PRKAG3: variants seen among roughly 807,000 people sequenced by gnomAD.
The protein encoded by PRKAG3 is protein kinase AMP-activated non-catalytic subunit gamma 3.
In PRKAG3, 39 loss-of-function variants were observed where a neutral mutation model predicts 56.5. The ratio of observed to expected loss-of-function variants is 0.69; its 90% confidence interval spans 0.53 to 0.90. The LOEUF is 0.90. PRKAG3 is among the 40% of genes least tolerant of loss of function. The pLI is 0.00. For synonymous variants in PRKAG3, 243 were observed against 250.1 expected (o/e 0.97, Z 0.27); for missense variants, 628 against 627.5 (o/e 1.00, Z -0.01).
intron 5 of PRKAG3, 59 bp downstream of exon 5, chr2:218,828,460 C>T (rs1019566190): frequency 8.7e-6 from 13 of 1,493,014 alleles, no homozygotes; most frequent in East Asian, 4.8e-5. Flanking sequence ...CCAGAACAAC[C>T]GTACAAGATC....
downstream of PRKAG3, chr2:218,822,810 G>A (rs953172535): frequency 3.4e-6 from 3 of 883,186 alleles, no homozygotes; most frequent in African/African-American, 5.5e-5. Context: ...GGAGCTGAAG[G>A]CTGAAGCCAT....
chr2:218,824,395 C>T, intron 11 of PRKAG3, 27 bp from the exon 12 acceptor site: 1 of 1,614,002 alleles, frequency 6.2e-7, no homozygotes, highest in East Asian at 2.2e-5. Flanking sequence ...AGTATGGCTC[C>T]TAGTCACCCC....
Position 218,827,916 on chromosome 2 carries a change from G to C in PRKAG3, c.775-38C>G, listed in dbSNP as rs771390402. The C allele has an allele frequency of 6.2e-7, 1 of 1,612,248 alleles. No homozygotes were observed. The highest frequency in any genetic ancestry group is 1.3e-5 in the African/African-American group (1 of 74,866). ...ACAGGACTCCAGAAGTCAGAAAGAC[G>C]TGGGCTTCTAGGGCACCAGGCTCCA... On this transcript the variant is annotated intron_variant, in intron 6 of 12. Transcript: ENST00000529249. The surrounding 1 kb of genome is among the most constrained non-coding windows in gnomAD (Gnocchi z 5.3).
At chr2:218,829,896 G>A (rs1943992613) in intron 4 of PRKAG3, 82 bp downstream of exon 4, 1 of 1,564,564 alleles carries the variant, frequency 6.4e-7, no homozygotes, top group African/African-American at 1.4e-5. Context: ...GGCTCAGCAG[G>A]GCATCCTGCA....
chr2:218,825,270 A>T (rs1166283943), intron 10 of PRKAG3, among the ~76,000 whole-genome samples: 1 of 146,804 alleles, frequency 6.8e-6, no homozygotes, highest in African/African-American at 2.6e-5. Context: ...TGGGAGGTGG[A>T]GGTTGCAGTG....
intron 12 of PRKAG3, 131 bp downstream of exon 12, chr2:218,824,091 G>T: frequency 6.9e-7 from 1 of 1,449,482 alleles, no homozygotes; most frequent in Non-Finnish European, 9.6e-7. Context: ...GTGCAGGCCA[G>T]TGTGGGCACC....
intron 10 of PRKAG3, chr2:218,826,509 T>TGTAGATCTCGGTG: frequency 4.2e-6 from 1 of 240,190 alleles, no homozygotes; most frequent in Non-Finnish European, 8.4e-6. Context: ...CAGGTTGGAG[T>TGTAGATCTCGGTG]GTCACTGTAT....
rs1163495536 is a variant in PRKAG3, at chr2:218,830,256, AG to A, written c.354del (p.Ser119LeufsTer31). On this transcript the variant is annotated frameshift_variant, in exon 4 of 13. Transcript: ENST00000529249. LOFTEE classifies it high-confidence loss of function. ...CCTGCAGCTGAGGCTGTACAGTCAG[AG>A]GGGAGGCAGTCCCACCCTGTTGGTG... 3.1e-6 allele frequency: 5 copies of A among 1,613,816 alleles called. No homozygotes were observed. The African/African-American group carries it at 5.3e-5, about 17-fold the overall frequency.
chr2:218,823,691 G>C (rs970363651), exon 13 of PRKAG3: 7 of 1,608,360 alleles, frequency 4.4e-6, no homozygotes, highest in Non-Finnish European at 5.9e-6. Context: ...GAAGATGAAG[G>C]CTGAGTTCTC....
exon 3 of PRKAG3, chr2:218,830,870 G>A (rs762726090): frequency 1.4e-5 from 22 of 1,613,794 alleles, no homozygotes; most frequent in Admixed American, 1.2e-4. Context: ...ATGGCCATGA[G>A]CTGCTGTTTT....
At chr2:218,823,384 C>T (rs1943882477) in exon 13 of PRKAG3, 1 of 284,716 alleles carries the variant, frequency 3.5e-6, no homozygotes, top group Non-Finnish European at 6.9e-6. Flanking sequence ...TGTGAGGGAA[C>T]AAGTAAATCT....
intron 12 of PRKAG3, 25 bp from the exon 13 acceptor site, chr2:218,823,903 G>C: frequency 6.2e-7 from 1 of 1,604,416 alleles, no homozygotes; most frequent in Non-Finnish European, 8.5e-7. Context: ...TGTTCAGTGA[G>C]GGGGCAGAGC....
At chr2:218,830,760 G>C (rs752338729) in exon 3 of PRKAG3, 1 of 1,612,262 alleles carries the variant, frequency 6.2e-7, no homozygotes, top group African/African-American at 1.3e-5. Context: ...CCCCTGACCT[G>C]GTGGCTCCCC....
exon 2 of PRKAG3, chr2:218,831,350 C>G: frequency 6.2e-7 from 1 of 1,601,976 alleles, no homozygotes; most frequent in Non-Finnish European, 8.5e-7. Flanking sequence ...ATGCTCAGAA[C>G]CCCCAAGGCT....
intron 4 of PRKAG3, among the ~76,000 whole-genome samples, chr2:218,829,693 G>A (rs1476267333): frequency 6.6e-6 from 1 of 152,148 alleles, no homozygotes; most frequent in Non-Finnish European, 1.5e-5. Flanking sequence ...TCTGAACTAT[G>A]TAGGGTGCAG....
intron 1 of PRKAG3, 35 bp downstream of exon 1, chr2:218,831,703 C>T: frequency 6.2e-7 from 1 of 1,603,034 alleles, no homozygotes; most frequent in African/African-American, 1.3e-5. Flanking sequence ...CTGGCCTCAG[C>T]TGCCCCGGCT....
chr2:218,825,333 C>T (rs1943916218), intron 10 of PRKAG3, among the ~76,000 whole-genome samples: 1 of 119,770 alleles, frequency 8.3e-6, no homozygotes, highest in Non-Finnish European at 1.6e-5. Flanking sequence ...AAGACTCTGT[C>T]TCAAAAAAAA....
At chr2:218,822,549 G>T (rs1056316850), downstream of PRKAG3, 1 of 152,082 alleles carries the variant, frequency 6.6e-6, no homozygotes, top group Non-Finnish European at 1.5e-5. Flanking sequence ...TTTCTCAATT[G>T]CTCATTCTCA....
chr2:218,830,715 C>T (rs1310722021), intron 3 of PRKAG3, 31 bp downstream of exon 3: 1 of 1,605,558 alleles, frequency 6.2e-7, no homozygotes. Flanking sequence ...TCCCCTGGCT[C>T]CCACCTCCCC....
Sources: gnomAD v4.1 joint callset for allele counts (sites outside exome capture counted in the v4.1 genomes callset) on GRCh38, gnomAD v4.1.1 for gene constraint, Gnocchi (gnomAD v3.1) non-coding constraint, MANE v1.5 for transcripts, NCBI Gene and HGNC (gene_info 2026-07-23, HGNC 2026-07-21) for gene names.